Variants in FGR observed in about 807,000 individuals in gnomAD.
The protein encoded by FGR is FGR proto-oncogene, Src family tyrosine kinase, also known as tyrosine-protein kinase Fgr.
In FGR, 26 loss-of-function variants were observed where a neutral mutation model predicts 63.2. The ratio of observed to expected loss-of-function variants is 0.41; its 90% CI spans 0.30 to 0.57. The LOEUF (loss-of-function observed/expected upper bound fraction) is 0.57, where lower values mean the gene tolerates loss of function less well. Among genes scored for constraint, FGR ranks in the 20% least tolerant of loss-of-function variants. The probability of loss-of-function intolerance (pLI) is 0.27; values close to 1 mark genes in which losing one functional copy is unlikely to be tolerated. For missense variants in FGR, 511 were observed against 690.8 expected (o/e 0.74, Z 2.92); for synonymous variants, 286 against 277.7 (o/e 1.03, Z -0.30).
chr1:27,612,618 A>C lies in FGR; in HGVS notation c.*296T>G, dbSNP rs149135637. ...ATACAGTTTTATAAATAACTAGACA[A>C]GGTCTGAGCACTTTGGGTGGGGATG... On this transcript the variant is annotated 3_prime_UTR_variant, in exon 13 of 13. Coordinates refer to ENST00000374005, the MANE Select transcript of FGR (RefSeq NM_005248.3). 5.4e-6 allele frequency: 2 copies of C among 368,778 alleles called. No individual in the cohort carries two copies. The highest frequency in any genetic ancestry group is 1.0e-5 in the Non-Finnish European group (2 of 200,550). 22.8% of individuals were successfully genotyped at this position (368,778 alleles called of 1,614,324 possible). A position where few individuals can be genotyped will look rare whatever the true frequency, so the allele number is the denominator to read the frequency against.
intron 1 of FGR, among the ~76,000 whole-genome samples, chr1:27,632,691 T>C (rs1019236892): frequency 5.3e-5 from 8 of 151,712 alleles, no homozygotes; most frequent in Non-Finnish European, 7.4e-5. Context: ...CACAGCTCTT[T>C]AGATGCCATC....
At chr1:27,614,948 A>G (rs1345768448) in intron 9 of FGR, 22 bp from the exon 10 acceptor site, 2 of 1,579,074 alleles carry the variant, frequency 1.3e-6, no homozygotes, top group African/African-American at 2.7e-5. Flanking sequence ...CCAGAAAGTC[A>G]GCGGCAAAGC....
intron 5 of FGR, among the ~76,000 whole-genome samples, chr1:27,619,030 T>G (rs2089870525): frequency 6.6e-6 from 1 of 152,090 alleles, no homozygotes; most frequent in South Asian, 2.1e-4. Context: ...GCTTCTCCGC[T>G]CTCTCGGTTG....
chr1:27,621,484 G>A (rs1019114348), intron 5 of FGR, 75 bp downstream of exon 5: 50 of 1,023,212 alleles, frequency 4.9e-5, no homozygotes, highest in Middle Eastern at 4.0e-4. Flanking sequence ...GCAATGACTT[G>A]TCCAAGAGGT....
At chr1:27,624,091 C>T in intron 2 of FGR, 162 bp from the exon 3 acceptor site, 1 of 598,146 alleles carries the variant, frequency 1.7e-6, no homozygotes, top group Non-Finnish European at 2.9e-6. Flanking sequence ...AACTGGGCCA[C>T]CTACTGTACC....
Position 27,612,565 on chromosome 1 carries a change from A to C in FGR, c.*349T>G, listed in dbSNP as rs1458458089. 1 of 221,356 alleles carries C rather than the reference A, an allele frequency of 4.5e-6. No homozygotes were observed. Among genetic ancestry groups the C allele is most frequent in the Non-Finnish European group, 9.1e-6 (1 of 110,028 alleles). The allele number at this position is 221,356 out of a possible 1,614,324, so 13.7% of individuals were successfully genotyped here. A position where few individuals can be genotyped will look rare whatever the true frequency, so the allele number is the denominator to read the frequency against. Reference sequence around the variant, plus strand: ...TGAGATAAAAGGAGAGTAGGAAAGCAGTGATAGGAGAGAAGTGAGGGAGGT... The same window carrying C: ...TGAGATAAAAGGAGAGTAGGAAAGCCGTGATAGGAGAGAAGTGAGGGAGGT... On this transcript the variant is annotated 3_prime_UTR_variant, in exon 13 of 13. Coordinates refer to ENST00000374005, the MANE Select transcript of FGR (RefSeq NM_005248.3).
chr1:27,623,875 C>G lies in FGR; in HGVS notation c.42G>C (p.Thr14=), dbSNP rs143600855. ...VFCKKLEPVA[T]AKEDAGLEGD... is the part of the protein sequence containing the mutation. ...CTTCCAGGCCAGCATCCTCCTTGGC[C>G]GTGGCCACCGGCTCCAATTTCTTGC... is the stretch of plus-strand genomic sequence containing the variant. Residue 14 remains threonine, a synonymous_variant, in exon 3 of 13, where the codon ACG becomes ACC. Transcript: ENST00000374005. 4.0e-5 allele frequency: 65 copies of G among 1,606,454 alleles called. No homozygotes were observed. The Admixed American group carries it at 4.2e-4, about 10-fold the overall frequency.
chr1:27,621,106 T>G (rs1260004218), intron 5 of FGR, among the ~76,000 whole-genome samples: 3 of 149,792 alleles, frequency 2.0e-5, no homozygotes. Flanking sequence ...TTCCTAGTAA[T>G]GCTCCCTTGC....
At chr1:27,625,329 G>T (rs1480896952) in intron 1 of FGR, among the ~76,000 whole-genome samples, 178 bp from the exon 2 acceptor site, 3 of 152,010 alleles carry the variant, frequency 2.0e-5, no homozygotes, top group African/African-American at 7.2e-5. Flanking sequence ...CCGTCACATA[G>T]GGCAAACCAC....
chr1:27,613,468 C>G (rs2089735584), intron 11 of FGR, 118 bp from the exon 12 acceptor site: 1 of 1,148,004 alleles, frequency 8.7e-7, no homozygotes, highest in Non-Finnish European at 1.2e-6. Flanking sequence ...TTTGGGAGGC[C>G]AAGGCAGGCG....
chr1:27,613,514 C>A (rs1029257930), intron 11 of FGR, among the ~76,000 whole-genome samples, 164 bp from the exon 12 acceptor site: 1 of 151,996 alleles, frequency 6.6e-6, no homozygotes, highest in African/African-American at 2.4e-5. Flanking sequence ...ACCAGCCTGG[C>A]CAACATGGCG....
intron 5 of FGR, among the ~76,000 whole-genome samples, chr1:27,618,851 T>A (rs2089865369): frequency 6.6e-6 from 1 of 152,176 alleles, no homozygotes; most frequent in Admixed American, 6.5e-5. Flanking sequence ...TCCCTTCACT[T>A]GAAAAAGTGC....
chr1:27,635,116 G>A lies in FGR; in HGVS notation c.-128C>T, dbSNP rs1291288834. 6.6e-6 allele frequency: 1 copy of A among 152,332 alleles called. No individual in the cohort carries two copies. Among genetic ancestry groups the A allele is most frequent in the Non-Finnish European group, 1.5e-5 (1 of 68,126 alleles). The allele number at this position is 152,332 out of a possible 1,614,324, so 9.4% of individuals were successfully genotyped here. ...GGGTGAGCCAGCCGGGGCTCCAGCA[G>A]CCGCGAGTGCCGGCGTGCGGGGAGA... On this transcript the variant is annotated 5_prime_UTR_variant, in exon 1 of 13. Transcript: ENST00000374005.
At chr1:27,619,467 A>T (rs2148526485) in intron 5 of FGR, among the ~76,000 whole-genome samples, 1 of 152,340 alleles carries the variant, frequency 6.6e-6, no homozygotes, top group Middle Eastern at 3.4e-3. Flanking sequence ...CTGGGATTAC[A>T]TGCATGTGTC....
rs1463518078 is a variant in FGR, at chr1:27,617,408, G to A, written c.429-112C>T. 1.4e-6 allele frequency: 1 copy of A among 739,744 alleles called. No individual in the cohort carries two copies. Among genetic ancestry groups the A allele is most frequent in the African/African-American group, 1.7e-5 (1 of 57,950 alleles). The allele number at this position is 739,744 out of a possible 1,614,324, so 45.8% of individuals were successfully genotyped here. On this transcript the variant is annotated intron_variant, in intron 5 of 12. Coordinates refer to ENST00000374005, the MANE Select transcript of FGR (RefSeq NM_005248.3). This position sits in a 1 kb window ranked among gnomAD's most constrained non-coding sequence, Gnocchi z 4.5. ...CCATTTTCCCCATGTGTAAAATGGG[G>A]CTGGTACACCTGCTTCACATCCTGG...
rs1225115162 is a variant in FGR at position 27,625,075 on chromosome 1, T to C, written c.-14+14A>G. On this transcript the variant is annotated intron_variant, in intron 2 of 12. Transcript: ENST00000374005. The stretch of plus-strand genomic sequence containing the variant: ...GTTTCCTGACCCTGAAAGCCCTCAG[T>C]CTACCCCACTCACCCCTTAGGCCCC... 3 of 152,580 alleles carry C rather than the reference T, an allele frequency of 2.0e-5. No homozygotes were observed. Among genetic ancestry groups the C allele is most frequent in the Non-Finnish European group, 4.4e-5 (3 of 68,070 alleles). The allele number at this position is 152,580 out of a possible 1,614,324, so 9.5% of individuals were successfully genotyped here.
intron 11 of FGR, 105 bp downstream of exon 11, chr1:27,614,325 C>T (rs546148653): frequency 7.0e-6 from 9 of 1,294,858 alleles, no homozygotes; most frequent in East Asian, 5.1e-5. Context: ...CAGGATGGGG[C>T]GACTCGGGCG....
intron 4 of FGR, 65 bp from the exon 5 acceptor site, chr1:27,621,722 T>C: frequency 8.5e-7 from 1 of 1,170,446 alleles, no homozygotes; most frequent in South Asian, 1.2e-5. Flanking sequence ...TGAGGCCAGG[T>C]GGAGCCACAC....
At chr1:27,634,911 G>T (rs2090157679) in intron 1 of FGR, among the ~76,000 whole-genome samples, 154 bp downstream of exon 1, 1 of 152,006 alleles carries the variant, frequency 6.6e-6, no homozygotes, top group East Asian at 1.9e-4. Flanking sequence ...AGGCCTTTTC[G>T]GGCTGGGGTC....
Sources: gnomAD v4.1 joint callset for allele counts (sites outside exome capture counted in the v4.1 genomes callset) on GRCh38, gnomAD v4.1.1 for gene constraint, Gnocchi (gnomAD v3.1) non-coding constraint, MANE v1.5 for transcripts, NCBI Gene and HGNC (gene_info 2026-07-23, HGNC 2026-07-21) for gene names.